The following ARHGAP32 variants were observed in gnomAD, a reference collection of about 807,000 sequenced individuals.
ARHGAP32 encodes Rho GTPase activating protein 32.
A neutral mutation model predicts 186.5 loss-of-function variants in ARHGAP32; 51 were observed. That is an observed-to-expected ratio of 0.27 (90% CI 0.22 to 0.35). The LOEUF is 0.35. Ranked by LOEUF, ARHGAP32 falls within the 10% of genes least tolerant of loss-of-function variation. ARHGAP32 has a pLI of 1.00. For missense variants in ARHGAP32, 2,186 were observed against 2,623.5 expected (o/e 0.83, Z 3.64); for synonymous variants, 950 against 964.3 (o/e 0.99, Z 0.27).
intron 11 of ARHGAP32, among the ~76,000 whole-genome samples, chr11:129,012,237 T>C (rs1938117948): frequency 6.6e-6 from 1 of 152,224 alleles, no homozygotes; most frequent in Non-Finnish European, 1.5e-5. Context: ...GTAACAACTT[T>C]ATACATATTG....
chr11:129,226,185 AGT>A (rs1944779544), intron 1 of ARHGAP32, among the ~76,000 whole-genome samples: 1 of 152,200 alleles, frequency 6.6e-6, no homozygotes, highest in Non-Finnish European at 1.5e-5. Context: ...GCATACATAC[AGT>A]GAGAGGGGAG....
At chr11:129,140,931 TC>T (rs1943037614) in intron 2 of ARHGAP32, among the ~76,000 whole-genome samples, 1 of 152,142 alleles carries the variant, frequency 6.6e-6, no homozygotes, top group Admixed American at 6.5e-5. Flanking sequence ...AATTCCCCCT[TC>T]CAAGGTGTCT....
chr11:129,040,072 G>A (rs567650457), intron 11 of ARHGAP32, among the ~76,000 whole-genome samples: 4 of 152,084 alleles, frequency 2.6e-5, no homozygotes, highest in East Asian at 3.9e-4. Context: ...ATTGTTGGAT[G>A]TAAGCTTTGG....
chr11:129,041,065 A>T, intron 10 of ARHGAP32, 56 bp from the exon 11 acceptor site: 1 of 1,145,034 alleles, frequency 8.7e-7, no homozygotes, highest in South Asian at 1.3e-5. Context: ...CAATTATGTG[A>T]ACACTGCCAA....
chr11:129,131,771 C>T (rs1366703379), intron 2 of ARHGAP32, among the ~76,000 whole-genome samples: 1 of 152,038 alleles, frequency 6.6e-6, no homozygotes, highest in African/African-American at 2.4e-5. Context: ...TACTTAAGAG[C>T]CTGAGTGAAA....
chr11:129,139,941 C>G (rs1466760636), intron 2 of ARHGAP32, among the ~76,000 whole-genome samples: 4 of 152,156 alleles, frequency 2.6e-5, no homozygotes, highest in African/African-American at 9.7e-5. Flanking sequence ...AAGATTCCCA[C>G]CCCATGGTTG....
At chr11:129,278,102 A>G (rs1945555452) in intron 1 of ARHGAP32, among the ~76,000 whole-genome samples, 1 of 152,254 alleles carries the variant, frequency 6.6e-6, no homozygotes, top group Non-Finnish European at 1.5e-5. Flanking sequence ...GACAATGTTT[A>G]CAAAAGCAAC....
At chr11:129,014,431 TTC>T (rs1938233936) in intron 11 of ARHGAP32, among the ~76,000 whole-genome samples, 1 of 152,190 alleles carries the variant, frequency 6.6e-6, no homozygotes, top group Non-Finnish European at 1.5e-5. Context: ...TCATAATACT[TTC>T]TCTAAAGTTC....
intron 1 of ARHGAP32, among the ~76,000 whole-genome samples, chr11:129,208,613 G>A (rs1944544232): frequency 6.6e-6 from 1 of 151,340 alleles, no homozygotes; most frequent in African/African-American, 2.4e-5. Flanking sequence ...TGCTTGTTTG[G>A]CCACCTTCAA....
intron 1 of ARHGAP32, among the ~76,000 whole-genome samples, chr11:129,189,526 G>A (rs1944234370): frequency 6.6e-6 from 1 of 151,814 alleles, no homozygotes; most frequent in Non-Finnish European, 1.5e-5. Context: ...TCTTATCCAG[G>A]GATGGATTTT....
chr11:129,160,390 C>A (rs1225026724), intron 2 of ARHGAP32, among the ~76,000 whole-genome samples: 1 of 152,148 alleles, frequency 6.6e-6, no homozygotes, highest in Non-Finnish European at 1.5e-5. Flanking sequence ...AGCTGATCAG[C>A]AACTTCAGCA....
rs1415767836 is a variant in ARHGAP32, at chr11:129,093,621, C to G, written c.531G>C (p.Gln177His). ...ELVYLVQIAC[Q>H]GKSWIVKRSY... ...ATGGAGAATACATTCACAAAATCAC[C>G]TGACAAGCAATCTGCACGAGGTAGA... Residue 177 changes from glutamine (Q) to histidine (H), a missense_variant and splice_region_variant, in exon 6 of 23, where the codon CAG becomes CAC. Around this residue, in one of 5 missense-constraint regions of ARHGAP32, gnomAD observed 308 missense variants for 596.5 expected, o/e 0.52. Coordinates refer to ENST00000682385, the MANE Select transcript of ARHGAP32 (RefSeq NM_001378024.1). 6.3e-7 allele frequency: 1 copy of G among 1,599,502 alleles called. No homozygotes were observed. Among genetic ancestry groups the G allele is most frequent in the Non-Finnish European group, 8.5e-7 (1 of 1,171,550 alleles).
In ARHGAP32 at chr11:129,192,094, T is replaced by C. The variant is rs1203384195; in HGVS notation, c.105A>G (p.Glu35=). The change falls in exon 1 of 23, where the codon GAA becomes GAG. Residue 35 remains glutamate (E), a synonymous_variant. Transcript: ENST00000682385. ...AATTCCATAATCACCTGAACTTCTCTTCCCTTTCTTCCTCTTCACAGTCAG... is the reference window on the plus strand; with the variant it reads ...AATTCCATAATCACCTGAACTTCTCCTCCCTTTCTTCCTCTTCACAGTCAG... The part of the protein sequence containing the change: ...QVTDCEEEER[E]EKFRKMKSSV... The C allele has an allele frequency of 1.2e-6, 2 of 1,612,788 alleles. No homozygotes were observed. The highest frequency in any genetic ancestry group is 2.7e-5 in the African/African-American group (2 of 75,030).
intron 10 of ARHGAP32, among the ~76,000 whole-genome samples, chr11:129,052,632 A>C (rs914259264): frequency 3.3e-5 from 5 of 151,900 alleles, no homozygotes; most frequent in African/African-American, 9.7e-5. Flanking sequence ...TACAGTCCTA[A>C]GTATTTCCTA....
At chr11:128,976,524 T>C in intron 20 of ARHGAP32, 39 bp downstream of exon 20, 1 of 1,515,126 alleles carries the variant, frequency 6.6e-7, no homozygotes, top group Non-Finnish European at 9.2e-7. Context: ...CTTTATGCAA[T>C]ATATTATAGA....
intron 1 of ARHGAP32, among the ~76,000 whole-genome samples, chr11:129,164,890 G>A (rs1466930002): frequency 1.3e-5 from 2 of 152,092 alleles, no homozygotes; most frequent in East Asian, 1.9e-4. Context: ...TATGAATGTT[G>A]GGCAAAACAT....
intron 1 of ARHGAP32, among the ~76,000 whole-genome samples, chr11:129,243,418 T>C (rs537203676): frequency 6.6e-6 from 1 of 152,302 alleles, no homozygotes; most frequent in African/African-American, 2.4e-5. Flanking sequence ...TACAGTACTA[T>C]CCTCAATACA....
Position 128,969,893 on chromosome 11 carries a change from G to A in ARHGAP32, c.5320C>T (p.Arg1774Cys), listed in dbSNP as rs149800604. 37 of 1,614,192 alleles carry A rather than the reference G, an allele frequency of 2.3e-5. No homozygotes were observed. Among genetic ancestry groups the A allele is most frequent in the Non-Finnish European group, 2.9e-5 (34 of 1,180,034 alleles). The change falls in exon 23 of 23, where the codon CGT (arginine) becomes TGT (cysteine). Residue 1774 changes from arginine (R) to cysteine (C), a missense_variant. By Grantham distance (180) the Arg-to-Cys change is radical. This residue lies in a region of ARHGAP32 where 1,502 missense variants were observed against 1,570.0 expected (regional missense o/e 0.96). Coordinates refer to ENST00000682385, the MANE Select transcript of ARHGAP32 (RefSeq NM_001378024.1). This position sits in a 1 kb window ranked among gnomAD's most constrained non-coding sequence, Gnocchi z 4.8. ...YRMQSIRRES[R>C]ARQKVKGPVM... The stretch of plus-strand genomic sequence containing the variant: ...GGCCCTTTCACCTTCTGCCGAGCAC[G>A]GCTCTCTCTCCGGATGGACTGCATG...
At chr11:129,152,394 C>A (rs567856604) in intron 2 of ARHGAP32, among the ~76,000 whole-genome samples, 1 of 152,186 alleles carries the variant, frequency 6.6e-6, no homozygotes, top group East Asian at 1.9e-4. Context: ...ATGAAGCCAA[C>A]ATCACCCAAA....
Sources: allele counts gnomAD v4.1 joint callset (sites outside exome capture counted in the v4.1 genomes callset), GRCh38; gene constraint gnomAD v4.1.1; regional missense constraint gnomAD v4.1.1; non-coding constraint Gnocchi (gnomAD v3.1); transcripts MANE v1.5; gene names NCBI Gene and HGNC (gene_info 2026-07-23, HGNC 2026-07-21).